Variants in RAPGEF4 observed in about 807,000 individuals in gnomAD.
The protein encoded by RAPGEF4 is RAP guanine-nucleotide-exchange factor (GEF) 4.
RAPGEF4 carries 66 observed loss-of-function variants against 147.9 expected under a neutral mutation model. That is an observed-to-expected ratio of 0.45 (90% CI 0.37 to 0.55). The LOEUF is 0.55. Ranked by LOEUF, RAPGEF4 falls within the 20% of genes least tolerant of loss-of-function variation. The probability of loss-of-function intolerance (pLI) is 0.00; values close to 1 mark genes in which losing one functional copy is unlikely to be tolerated. For missense variants in RAPGEF4, 1,071 were observed against 1,257.3 expected (o/e 0.85, Z 2.24); for synonymous variants, 419 against 442.7 (o/e 0.95, Z 0.67).
At chr2:172,755,003 A>G (rs1380254066) in intron 1 of RAPGEF4, among the ~76,000 whole-genome samples, 1 of 152,062 alleles carries the variant, frequency 6.6e-6, no homozygotes, top group Non-Finnish European at 1.5e-5. Context: ...AGATCACACC[A>G]CTGCACTCCA....
At chr2:172,821,418 A>G (rs1316711714) in intron 4 of RAPGEF4, among the ~76,000 whole-genome samples, 15 of 152,182 alleles carry the variant, frequency 9.9e-5, no homozygotes, top group Non-Finnish European at 2.9e-5. Context: ...ACTTTTGGCA[A>G]CCTTGGAGCT....
At chr2:173,020,985 G>A (rs911236550) in intron 23 of RAPGEF4, among the ~76,000 whole-genome samples, 1 of 152,196 alleles carries the variant, frequency 6.6e-6, no homozygotes, top group Admixed American at 6.5e-5. Flanking sequence ...TCATTGGTAT[G>A]TCCCCAGTTT....
chr2:172,830,542 G>A (rs1364457091), intron 4 of RAPGEF4, among the ~76,000 whole-genome samples: 2 of 152,122 alleles, frequency 1.3e-5, no homozygotes, highest in East Asian at 1.9e-4. Flanking sequence ...AACTTCAGAT[G>A]ATGATACTTT....
chr2:172,742,669 A>G (rs1416262459), intron 1 of RAPGEF4, among the ~76,000 whole-genome samples: 1 of 152,192 alleles, frequency 6.6e-6, no homozygotes, highest in Non-Finnish European at 1.5e-5. Flanking sequence ...AGCACATGAC[A>G]TATATATTTG....
intron 10 of RAPGEF4, among the ~76,000 whole-genome samples, chr2:172,975,096 A>G (rs1008484099): frequency 6.6e-6 from 1 of 152,222 alleles, no homozygotes; most frequent in Non-Finnish European, 1.5e-5. Flanking sequence ...ATAACAAACA[A>G]TGTTCTGATA....
intron 4 of RAPGEF4, among the ~76,000 whole-genome samples, chr2:172,856,057 T>C (rs1422490382): frequency 1.3e-5 from 2 of 152,172 alleles, no homozygotes; most frequent in African/African-American, 4.8e-5. Context: ...AAATATTTTT[T>C]CTGTCTATTC....
chr2:172,891,094 C>T (rs749971641), intron 4 of RAPGEF4, among the ~76,000 whole-genome samples: 7 of 152,032 alleles, frequency 4.6e-5, no homozygotes, highest in African/African-American at 9.7e-5. Context: ...TCATGCCACT[C>T]TACTCCAGTC....
intron 6 of RAPGEF4, 135 bp downstream of exon 6, chr2:172,922,435 G>A: frequency 1.1e-6 from 1 of 876,138 alleles, no homozygotes; most frequent in Admixed American, 2.0e-5. Context: ...TCTCATTCTG[G>A]CATCTTTGGC....
chr2:172,978,406 T>C (rs547371451), intron 10 of RAPGEF4, among the ~76,000 whole-genome samples: 2 of 152,330 alleles, frequency 1.3e-5, no homozygotes, highest in South Asian at 2.1e-4. Flanking sequence ...CTTCTCCTAC[T>C]GTGTCACCTG....
chr2:172,852,247 T>C (rs986401155), intron 4 of RAPGEF4, among the ~76,000 whole-genome samples: 1 of 152,198 alleles, frequency 6.6e-6, no homozygotes, highest in Non-Finnish European at 1.5e-5. Context: ...TTACTTTCCC[T>C]GAACGTTTTC....
chr2:172,851,205 A>G (rs1254970077), intron 4 of RAPGEF4, among the ~76,000 whole-genome samples: 3 of 152,332 alleles, frequency 2.0e-5, no homozygotes, highest in Non-Finnish European at 4.4e-5. Context: ...GTTTACTCAA[A>G]ACTCATTCAG....
At chr2:172,893,200 G>A (rs1451562729) in intron 4 of RAPGEF4, among the ~76,000 whole-genome samples, 1 of 152,212 alleles carries the variant, frequency 6.6e-6, no homozygotes, top group East Asian at 1.9e-4. Flanking sequence ...ACAGCGAGGA[G>A]TTGTACAGGA....
intron 29 of RAPGEF4, 181 bp from the exon 30 acceptor site, chr2:173,048,419 G>A: frequency 8.1e-6 from 11 of 1,353,658 alleles, no homozygotes; most frequent in Non-Finnish European, 1.1e-5. Flanking sequence ...TATGTATGTG[G>A]GTACCCCTTT....
chr2:172,812,427 C>A (rs1418815964), intron 3 of RAPGEF4, among the ~76,000 whole-genome samples: 1 of 152,204 alleles, frequency 6.6e-6, no homozygotes, highest in Non-Finnish European at 1.5e-5. Context: ...AGGTTGAAAT[C>A]TCCTGGGAAA....
intron 25 of RAPGEF4, among the ~76,000 whole-genome samples, chr2:173,029,582 G>A (rs1442103554): frequency 9.2e-5 from 14 of 152,162 alleles, no homozygotes; most frequent in African/African-American, 4.8e-5. Flanking sequence ...ACACAGAGAA[G>A]GTTATTTCTT....
intron 6 of RAPGEF4, among the ~76,000 whole-genome samples, chr2:172,931,702 C>A (rs1485187465): frequency 6.6e-6 from 1 of 152,172 alleles, no homozygotes; most frequent in Admixed American, 6.5e-5. Context: ...AGGCAGCTGG[C>A]TTGTTTGGGG....
At chr2:173,048,693 GGT>G in intron 30 of RAPGEF4, 39 bp downstream of exon 30, 1 of 1,613,444 alleles carries the variant, frequency 6.2e-7, no homozygotes. Flanking sequence ...TGTAGATGTT[GGT>G]GATTAAGGTC....
rs74495799 is a variant in RAPGEF4, at chr2:172,814,724, G to C, written c.444+299G>C. 178 of 380,676 alleles carry C rather than the reference G, an allele frequency of 4.7e-4. No individual in the cohort carries two copies. In the East Asian group the frequency reaches 9.9e-3, roughly 21 times the overall value. 23.6% of individuals were successfully genotyped at this position (380,676 alleles called of 1,614,324 possible). On this transcript the variant is annotated intron_variant, in intron 4 of 30. Coordinates refer to ENST00000397081, the MANE Select transcript of RAPGEF4 (RefSeq NM_007023.4). ...ATTTTCTCCCTTCTTTTCCACAGAT[G>C]TATTCTTAACCAGGGAACAAAATAC...
chr2:173,025,735 G>A (rs1323322287), intron 23 of RAPGEF4, among the ~76,000 whole-genome samples: 1 of 152,220 alleles, frequency 6.6e-6, no homozygotes, highest in South Asian at 2.1e-4. Flanking sequence ...GAGCCACTGT[G>A]CCAGCCACTT....
Sources: gnomAD v4.1 joint callset for allele counts (sites outside exome capture counted in the v4.1 genomes callset) on GRCh38, gnomAD v4.1.1 for gene constraint, MANE v1.5 for transcripts, NCBI Gene and HGNC (gene_info 2026-07-23, HGNC 2026-07-21) for gene names.